Variants in GNA14 observed in about 807,000 individuals in gnomAD.
The protein encoded by GNA14 is guanine nucleotide-binding protein subunit alpha-14.
GNA14 carries 50 observed loss-of-function variants against 42.0 expected under a neutral mutation model. The ratio of observed to expected loss-of-function variants is 1.19; its 90% CI spans 0.95 to 1.51. GNA14 has a LOEUF of 1.51. GNA14 is among the 40% of genes most tolerant of loss of function. GNA14 has a pLI of 0.00. For missense variants in GNA14, 473 were observed against 446.2 expected (o/e 1.06, Z -0.54); for synonymous variants, 173 against 163.1 (o/e 1.06, Z -0.46).
chr9:77,600,763 A>C (rs1317548762), intron 1 of GNA14, among the ~76,000 whole-genome samples: 1 of 151,992 alleles, frequency 6.6e-6, no homozygotes, highest in South Asian at 2.1e-4. Flanking sequence ...ACTAAAAAAA[A>C]CAAAAATTAG....
At chr9:77,441,005 C>T (rs186874329) in intron 2 of GNA14, among the ~76,000 whole-genome samples, 4 of 151,928 alleles carry the variant, frequency 2.6e-5, no homozygotes, top group Admixed American at 6.6e-5. Context: ...CGTGAGCCAC[C>T]GCGCCCAGCC....
chr9:77,508,584 A>C (rs1010067661), intron 2 of GNA14, among the ~76,000 whole-genome samples: 7 of 152,180 alleles, frequency 4.6e-5, no homozygotes, highest in Non-Finnish European at 1.0e-4. Context: ...TGTGTGCGTG[A>C]GTGTATGTTT....
At chr9:77,543,515 T>C (rs2131777420) in intron 1 of GNA14, among the ~76,000 whole-genome samples, 1 of 152,342 alleles carries the variant, frequency 6.6e-6, no homozygotes, top group South Asian at 2.1e-4. Flanking sequence ...GGACTAAGCA[T>C]GAGCTCCCTT....
intron 2 of GNA14, among the ~76,000 whole-genome samples, chr9:77,501,835 C>T (rs1486383623): frequency 2.6e-5 from 4 of 151,804 alleles, no homozygotes; most frequent in Middle Eastern, 3.4e-3. Context: ...CTCAGCCTCC[C>T]GAGTATTTGG....
intron 2 of GNA14, among the ~76,000 whole-genome samples, chr9:77,494,663 G>A (rs1188507312): frequency 6.6e-6 from 1 of 152,200 alleles, no homozygotes; most frequent in African/African-American, 2.4e-5. Flanking sequence ...TTTTAAAAGA[G>A]TTGGAAATTC....
intron 1 of GNA14, among the ~76,000 whole-genome samples, chr9:77,622,934 T>C (rs146750783): frequency 7.7e-6 from 1 of 129,268 alleles, no homozygotes; most frequent in East Asian, 2.4e-4. Context: ...CAGTTTCAGG[T>C]GGGGCACAGG....
intron 3 of GNA14, among the ~76,000 whole-genome samples, chr9:77,433,901 G>T (rs1234512094): frequency 1.3e-5 from 2 of 152,150 alleles, no homozygotes; most frequent in Non-Finnish European, 2.9e-5. Flanking sequence ...ATGGGTCCAC[G>T]GCCCCGCTGC....
intron 2 of GNA14, among the ~76,000 whole-genome samples, chr9:77,469,231 T>C (rs1392008709): frequency 6.6e-6 from 1 of 151,956 alleles, no homozygotes; most frequent in African/African-American, 2.4e-5. Context: ...ACTTAGCATG[T>C]GCCCTATCTT....
intron 2 of GNA14, among the ~76,000 whole-genome samples, chr9:77,473,056 C>A (rs1188137025): frequency 6.6e-6 from 1 of 152,158 alleles, no homozygotes; most frequent in African/African-American, 2.4e-5. Context: ...AAAACAATTC[C>A]ATTTAGAACA....
intron 1 of GNA14, among the ~76,000 whole-genome samples, chr9:77,601,800 G>T (rs1587844264): frequency 6.6e-6 from 1 of 152,204 alleles, no homozygotes; most frequent in Non-Finnish European, 1.5e-5. Flanking sequence ...CTCTTAGTTG[G>T]AAGGGTTTCA....
At chr9:77,617,105 C>A (rs559604053) in intron 1 of GNA14, among the ~76,000 whole-genome samples, 1 of 152,114 alleles carries the variant, frequency 6.6e-6, no homozygotes, top group African/African-American at 2.4e-5. Context: ...CTCCTGATCT[C>A]ACAATCCACC....
chr9:77,455,180 C>T (rs961869775), intron 2 of GNA14, among the ~76,000 whole-genome samples: 1 of 152,176 alleles, frequency 6.6e-6, no homozygotes, highest in African/African-American at 2.4e-5. Flanking sequence ...GACTGAGGTC[C>T]CTGTTGTCTC....
chr9:77,499,278 GT>G (rs1306579935), intron 2 of GNA14, among the ~76,000 whole-genome samples: 1 of 151,844 alleles, frequency 6.6e-6, no homozygotes, highest in African/African-American at 2.4e-5. Flanking sequence ...AAAGTTCACT[GT>G]AGAATTCTGG....
intron 5 of GNA14, among the ~76,000 whole-genome samples, chr9:77,428,163 C>G (rs1403213127): frequency 6.7e-6 from 1 of 149,830 alleles, no homozygotes; most frequent in Non-Finnish European, 1.5e-5. Context: ...ACTGCAAGCT[C>G]CGCCTCCCGG....
chr9:77,621,841 C>T (rs1053517062), intron 1 of GNA14, among the ~76,000 whole-genome samples: 3 of 152,182 alleles, frequency 2.0e-5, no homozygotes, highest in African/African-American at 7.2e-5. Flanking sequence ...GTTTTGAAGG[C>T]TGCCAGCTGG....
intron 2 of GNA14, among the ~76,000 whole-genome samples, chr9:77,494,636 T>C (rs1456195680): frequency 6.6e-6 from 1 of 152,186 alleles, no homozygotes; most frequent in African/African-American, 2.4e-5. Context: ...ACATGAGGAA[T>C]ACATCTTGGG....
chr9:77,533,927 C>G (rs531076496), intron 1 of GNA14, among the ~76,000 whole-genome samples: 4 of 152,188 alleles, frequency 2.6e-5, no homozygotes, highest in African/African-American at 4.8e-5. Context: ...TCCTACAAGA[C>G]GCTTGCTCCT....
At chr9:77,585,247 T>C (rs1823285475) in intron 1 of GNA14, among the ~76,000 whole-genome samples, 1 of 152,106 alleles carries the variant, frequency 6.6e-6, no homozygotes, top group African/African-American at 2.4e-5. Flanking sequence ...GAATATCCCA[T>C]CCCAAAATAT....
chr9:77,567,530 C>T (rs1822985533), intron 1 of GNA14, among the ~76,000 whole-genome samples: 1 of 152,136 alleles, frequency 6.6e-6, no homozygotes, highest in African/African-American at 2.4e-5. Context: ...CCATTTTCTT[C>T]CACAAGTTTT....
Sources: gnomAD v4.1 joint callset for allele counts (sites outside exome capture counted in the v4.1 genomes callset) on GRCh38, gnomAD v4.1.1 for gene constraint, MANE v1.5 for transcripts, NCBI Gene and HGNC (gene_info 2026-07-23, HGNC 2026-07-21) for gene names.